Variants in TRPC5 observed in about 807,000 individuals in gnomAD.
TRPC5 encodes the protein short transient receptor potential channel 5.
A neutral mutation model predicts 56.5 loss-of-function variants in TRPC5; 9 were observed. The observed-to-expected ratio is 0.16, with a 90% CI of 0.10 to 0.28. The LOEUF (loss-of-function observed/expected upper bound fraction) is 0.28. TRPC5 is among the 10% of genes least tolerant of loss of function. The pLI is 1.00. For missense variants in TRPC5, 469 were observed against 748.9 expected (o/e 0.63, Z 4.36); for synonymous variants, 282 against 278.5 (o/e 1.01, Z -0.13).
chrX:111,857,016 C>T (rs1312820494), intron 3 of TRPC5, among the ~76,000 whole-genome samples: 1 of 110,886 alleles, frequency 9.0e-6, no homozygotes, highest in Non-Finnish European at 1.9e-5. Context: ...TAATAATATC[C>T]ACCTTGTAGG....
At chrX:111,914,609 A>G (rs1245390745) in intron 2 of TRPC5, among the ~76,000 whole-genome samples, 3 of 112,338 alleles carry the variant, frequency 2.7e-5, no homozygotes, top group East Asian at 5.6e-4. Context: ...AGATGACTGC[A>G]TAATGGTCAT....
At chrX:112,021,891 T>C (rs894439816) in intron 1 of TRPC5, among the ~76,000 whole-genome samples, 1 of 112,567 alleles carries the variant, frequency 8.9e-6, no homozygotes, top group Non-Finnish European at 1.9e-5. Context: ...GGGTAAGTCA[T>C]TGCACATCTT....
At chrX:111,996,289 T>C (rs60389686) in intron 1 of TRPC5, among the ~76,000 whole-genome samples, 15,935 of 110,776 alleles carry the variant, frequency 0.14, 2,704 homozygotes, top group African/African-American at 0.48. Flanking sequence ...TGTAGTTGTG[T>C]GGTTTTGAGT....
chrX:112,005,540 G>T (rs1194059973), intron 1 of TRPC5, among the ~76,000 whole-genome samples: 1 of 109,480 alleles, frequency 9.1e-6, no homozygotes, highest in Non-Finnish European at 1.9e-5. Flanking sequence ...AGTCTTACTG[G>T]TGGCCCAACA....
Position 111,834,920 on chromosome X carries a change from C to T in TRPC5, c.1896+1G>A, listed in dbSNP as rs765267726. ...CACGCTTGTAAAGCAAAGCTACTCA[C>T]GGCAATAAGCTGATAGGAGTTGTTC... On this transcript the variant is annotated splice_donor_variant, in intron 7 of 10. Transcript: ENST00000262839. LOFTEE classifies it high-confidence loss of function. 3.4e-6 allele frequency: 4 copies of T among 1,191,655 alleles called. No individual in the cohort carries two copies. Among genetic ancestry groups the T allele is most frequent in the Non-Finnish European group, 3.4e-6 (3 of 884,309 alleles).
intron 7 of TRPC5, among the ~76,000 whole-genome samples, chrX:111,834,020 A>C (rs1005478537): frequency 8.9e-6 from 1 of 111,818 alleles, no homozygotes; most frequent in African/African-American, 3.2e-5. Context: ...CAACTAAATC[A>C]GACCTCAGGT....
intron 3 of TRPC5, among the ~76,000 whole-genome samples, chrX:111,881,573 C>T (rs1264583162): frequency 9.0e-6 from 1 of 111,172 alleles, no homozygotes; most frequent in Non-Finnish European, 1.9e-5. Flanking sequence ...AAAATATACT[C>T]CCAGGTGGAG....
intron 3 of TRPC5, among the ~76,000 whole-genome samples, chrX:111,862,289 C>T (rs1162139449): frequency 8.9e-6 from 1 of 111,886 alleles, no homozygotes; most frequent in African/African-American, 3.2e-5. Context: ...TCTTTCTTCC[C>T]TTATTGTTTT....
rs1459303321 is a variant in TRPC5 at position 111,926,497 on chromosome X, C to G, written c.379-13685G>C. On this transcript the variant is annotated intron_variant, in intron 2 of 10. Coordinates refer to ENST00000262839, the MANE Select transcript of TRPC5 (RefSeq NM_012471.3). ...CTTACGGGGCAGCATAGATACAAAA[C>G]AGTTCCCTCATGGCAGAAAGTTCTG... Among the ~76,000 whole-genome samples, 6 of 112,090 alleles carry G rather than the reference C, an allele frequency of 5.4e-5. No homozygotes were observed. In the Admixed American group the frequency reaches 5.7e-4, roughly 11 times the overall value.
At chrX:111,808,383 C>T (rs1418369109) in intron 7 of TRPC5, among the ~76,000 whole-genome samples, 1 of 110,665 alleles carries the variant, frequency 9.0e-6, no homozygotes, top group African/African-American at 3.3e-5. Context: ...ACTCTTTCCT[C>T]CCCTTTTCAT....
chrX:111,801,367 G>A lies in TRPC5; in HGVS notation c.1897-19229C>T, dbSNP rs776422670. Among the ~76,000 whole-genome samples the A allele has an allele frequency of 3.6e-5, 4 of 111,800 alleles. No homozygotes were observed. In the South Asian group the frequency reaches 1.5e-3, roughly 42 times the overall value. On this transcript the variant is annotated intron_variant, in intron 7 of 10. Transcript: ENST00000262839. ...AATTCTCCTATGAGTATTTGTGTAC[G>A]AGTTTTTATGGAAGTATATGTTCTT...
intron 3 of TRPC5, among the ~76,000 whole-genome samples, chrX:111,862,287 C>A (rs1393302463): frequency 8.9e-6 from 1 of 111,802 alleles, no homozygotes; most frequent in Non-Finnish European, 1.9e-5. Context: ...ATTCTTTCTT[C>A]CCTTATTGTT....
intron 1 of TRPC5, among the ~76,000 whole-genome samples, chrX:111,992,665 C>A (rs1928390610): frequency 9.1e-6 from 1 of 109,360 alleles, no homozygotes; most frequent in Non-Finnish European, 1.9e-5. Flanking sequence ...TGCAGTGGCA[C>A]GATCTCAGCT....
chrX:112,042,800 T>G (rs1929928390), intron 1 of TRPC5, among the ~76,000 whole-genome samples: 1 of 105,740 alleles, frequency 9.5e-6, no homozygotes, highest in African/African-American at 3.5e-5. Flanking sequence ...CTGTAATATA[T>G]CTTAGCTATA....
At chrX:111,897,562 G>A (rs1925128373) in intron 3 of TRPC5, among the ~76,000 whole-genome samples, 1 of 111,113 alleles carries the variant, frequency 9.0e-6, no homozygotes, top group African/African-American at 3.3e-5. Flanking sequence ...ATAAATGCAA[G>A]CACTATTCTG....
chrX:111,930,384 C>T (rs1569528241), intron 2 of TRPC5, among the ~76,000 whole-genome samples: 1 of 110,602 alleles, frequency 9.0e-6, no homozygotes, highest in African/African-American at 3.3e-5. Context: ...ATGTGTATAC[C>T]TATGTAACAA....
At chrX:111,991,208 C>T (rs991226615) in intron 1 of TRPC5, among the ~76,000 whole-genome samples, 24 of 107,551 alleles carry the variant, frequency 2.2e-4, no homozygotes, top group African/African-American at 5.1e-4. Flanking sequence ...TCATTCCTGC[C>T]GGTACCACAG....
intron 1 of TRPC5, among the ~76,000 whole-genome samples, chrX:112,019,734 C>T (rs187176405): frequency 9.0e-6 from 1 of 111,689 alleles, no homozygotes; most frequent in African/African-American, 3.2e-5. Flanking sequence ...CGTGCCTGGC[C>T]AATAACTCCG....
intron 1 of TRPC5, among the ~76,000 whole-genome samples, chrX:112,080,316 A>G (rs961698626): frequency 9.1e-6 from 1 of 109,494 alleles, no homozygotes; most frequent in African/African-American, 3.3e-5. Context: ...TGGAAGCACA[A>G]ATTCACCTCC....
Sources: gnomAD v4.1 joint callset for allele counts (sites outside exome capture counted in the v4.1 genomes callset) on GRCh38, gnomAD v4.1.1 for gene constraint, MANE v1.5 for transcripts, NCBI Gene and HGNC (gene_info 2026-07-23, HGNC 2026-07-21) for gene names.